ZFPM1: variants seen among roughly 807,000 people sequenced by gnomAD.
ZFPM1 encodes the protein zinc finger protein ZFPM1.
In ZFPM1, 28 loss-of-function variants were observed where a neutral mutation model predicts 46.3. That is an observed-to-expected ratio of 0.60 (90% CI 0.45 to 0.83). ZFPM1 has a LOEUF of 0.83. Among genes scored for constraint, ZFPM1 ranks in the 40% least tolerant of loss-of-function variants. The pLI, the probability that ZFPM1 is intolerant of heterozygous loss-of-function variation, is 0.00. For synonymous variants in ZFPM1, 957 were observed against 675.9 expected (o/e 1.42, Z -6.45); for missense variants, 1,878 against 1,432.4 (o/e 1.31, Z -5.02).
At position 88,517,724 on chromosome 16, in the gene ZFPM1, A is replaced by G. The variant is rs1207465364; in HGVS notation, c.402+3204A>G. On this transcript the variant is annotated intron_variant, in intron 4 of 9. Transcript: ENST00000319555. Reference sequence around the variant, plus strand: ...TGGATGGATGAGTGGGTGGGTGGATAGATGGATGGATGAATGAATGGGTGG... The same window carrying G: ...TGGATGGATGAGTGGGTGGGTGGATGGATGGATGGATGAATGAATGGGTGG... Among the ~76,000 whole-genome samples, 6 of 116,736 alleles carry G rather than the reference A, an allele frequency of 5.1e-5. No homozygotes were observed. The South Asian group carries it at 1.9e-3, about 37-fold the overall frequency. The allele number at this position is 116,736 out of a possible 152,430, so 76.6% of individuals were successfully genotyped here.
intron 3 of ZFPM1, among the ~76,000 whole-genome samples, chr16:88,491,070 C>A (rs1158812007): frequency 6.6e-6 from 1 of 151,736 alleles, no homozygotes; most frequent in East Asian, 1.9e-4. Flanking sequence ...GGCGCTGGTG[C>A]CTTCGCGGGT....
At chr16:88,457,170 G>A (rs924231561) in intron 1 of ZFPM1, among the ~76,000 whole-genome samples, 1 of 152,248 alleles carries the variant, frequency 6.6e-6, no homozygotes, top group Non-Finnish European at 1.5e-5. Context: ...AGAGGGCTGG[G>A]TTGGGCCCAG....
At chr16:88,533,014 C>G in intron 9 of ZFPM1, 79 bp downstream of exon 9, 2 of 1,576,036 alleles carry the variant, frequency 1.3e-6, no homozygotes, top group Non-Finnish European at 1.7e-6. Context: ...TCGCCCAAGA[C>G]AGGTGGGGGT....
chr16:88,507,613 G>C (rs1387260581), intron 3 of ZFPM1, among the ~76,000 whole-genome samples: 1 of 152,204 alleles, frequency 6.6e-6, no homozygotes, highest in African/African-American at 2.4e-5. Context: ...GTTGGGTCTT[G>C]TGGATTCTAC....
At chr16:88,511,830 A>T (rs1029939453) in intron 3 of ZFPM1, among the ~76,000 whole-genome samples, 1 of 152,192 alleles carries the variant, frequency 6.6e-6, no homozygotes, top group Non-Finnish European at 1.5e-5. Context: ...AGGCACCTGC[A>T]TCCACCCCCA....
At chr16:88,502,647 C>T (rs778629076) in intron 3 of ZFPM1, among the ~76,000 whole-genome samples, 32 of 152,232 alleles carry the variant, frequency 2.1e-4, no homozygotes, top group Non-Finnish European at 4.3e-4. Context: ...CCTCGCAGGT[C>T]GGAGCCACCC....
intron 4 of ZFPM1, 23 bp from the exon 5 acceptor site, chr16:88,526,791 G>A (rs544758115): frequency 1.9e-5 from 28 of 1,487,410 alleles, no homozygotes; most frequent in East Asian, 5.1e-5. Context: ...CCCTCCCCAC[G>A]TGTTCCTACC....
At chr16:88,472,950 G>T (rs1032983059) in intron 1 of ZFPM1, among the ~76,000 whole-genome samples, 3 of 152,254 alleles carry the variant, frequency 2.0e-5, no homozygotes, top group Admixed American at 6.5e-5. Context: ...CAGAGCTCTA[G>T]CGCCCCACAA....
chr16:88,462,438 G>T (rs937061751), intron 1 of ZFPM1, among the ~76,000 whole-genome samples: 2 of 152,246 alleles, frequency 1.3e-5, no homozygotes, highest in South Asian at 2.1e-4. Flanking sequence ...GAAAATCGGG[G>T]GTCAGAGAGG....
chr16:88,524,333 C>T (rs1912145834), intron 4 of ZFPM1, among the ~76,000 whole-genome samples: 1 of 152,198 alleles, frequency 6.6e-6, no homozygotes. Flanking sequence ...CTGCCCATTG[C>T]CCCTGGGGTT....
At chr16:88,501,691 GGGCCTCTCCCGC>G (rs1910345478) in intron 3 of ZFPM1, among the ~76,000 whole-genome samples, 1 of 130,318 alleles carries the variant, frequency 7.7e-6, no homozygotes, top group Admixed American at 7.6e-5. Context: ...TGTGGGTGCA[GGGCCTCTCCCGC>G]AGGTGCTCTT....
intron 3 of ZFPM1, among the ~76,000 whole-genome samples, chr16:88,510,773 C>T (rs993448065): frequency 3.3e-5 from 5 of 152,236 alleles, no homozygotes; most frequent in African/African-American, 1.2e-4. Context: ...AGCCCTGGGG[C>T]TCTGGTTCAA....
Position 88,532,199 on chromosome 16 carries a change from G to A in ZFPM1, c.910G>A (p.Ala304Thr). Reference protein sequence around the residue: ...FPQCRKSCPSASSLEIHMRSH... With the variant: ...FPQCRKSCPSTSSLEIHMRSH... ...CCAGTGCCGCAAGAGCTGCCCCAGC[G>A]CCAGCTCCCTGGAGATCCACATGCG... The change falls in exon 7 of 10, where the codon GCC becomes ACC. Residue 304 changes from alanine (A) to threonine (T), a missense_variant. Physicochemically the swap from Ala to Thr is moderately conservative, Grantham distance 58. Transcript: ENST00000319555. 1 of 1,609,500 alleles carries A rather than the reference G, an allele frequency of 6.2e-7. No homozygotes were observed. The highest frequency in any genetic ancestry group is 8.5e-7 in the Non-Finnish European group (1 of 1,177,568).
rs946341878 is a variant in ZFPM1 at position 88,471,214 on chromosome 16, G to A, written c.41-14725G>A. 3.3e-5 allele frequency among the ~76,000 whole-genome samples: 5 copies of A among 152,358 alleles called. No homozygotes were observed. In the East Asian group the frequency reaches 9.6e-4, roughly 29 times the overall value. On this transcript the variant is annotated intron_variant, in intron 1 of 9. Coordinates refer to ENST00000319555, the MANE Select transcript of ZFPM1 (RefSeq NM_153813.3). The surrounding 1 kb of genome is among the most constrained non-coding windows in gnomAD (Gnocchi z 4.1). ...CGATGGGCACTGAGAATTCAGACAA[G>A]AGCCGGACTCCCTGAGCTCCCAACC... is the stretch of plus-strand genomic sequence containing the variant.
intron 3 of ZFPM1, among the ~76,000 whole-genome samples, chr16:88,501,309 A>G (rs866964665): frequency 3.9e-5 from 4 of 102,630 alleles, no homozygotes; most frequent in East Asian, 3.6e-4. Flanking sequence ...GGTGCTGGTG[A>G]TGATGGAGAT....
At chr16:88,518,418 TGATGGGTG>T (rs56317440) in intron 4 of ZFPM1, among the ~76,000 whole-genome samples, 26,087 of 149,680 alleles carry the variant, frequency 0.17, 2,408 homozygotes, top group East Asian at 0.28. Context: ...GATGGATGGA[TGATGGGTG>T]GATGGGTGGA....
At position 88,461,158 on chromosome 16, in the gene ZFPM1, G is replaced by A. The variant is rs1300362369; in HGVS notation, c.40+7480G>A. ...GGAGACCTGGTGAGGACCGAGGGGC[G>A]GGAGACCTGGTGAGGACCGAGGGGC... On this transcript the variant is annotated intron_variant, in intron 1 of 9. Coordinates refer to ENST00000319555, the MANE Select transcript of ZFPM1 (RefSeq NM_153813.3). Among the ~76,000 whole-genome samples, 104 of 126,328 alleles carry A rather than the reference G, an allele frequency of 8.2e-4. 2 individuals are homozygous for A. The highest frequency in any genetic ancestry group is 3.2e-3 in the African/African-American group (81 of 25,338). 82.9% of individuals were successfully genotyped at this position (126,328 alleles called of 152,430 possible).
At chr16:88,516,165 T>TCAAA (rs1911282899) in intron 4 of ZFPM1, 1 of 398,356 alleles carries the variant, frequency 2.5e-6, no homozygotes, top group African/African-American at 2.1e-5. Context: ...ATACCCAGGA[T>TCAAA]CAAACAGCAG....
At chr16:88,515,281 C>T (rs1472908688) in intron 4 of ZFPM1, among the ~76,000 whole-genome samples, 1 of 152,194 alleles carries the variant, frequency 6.6e-6, no homozygotes, top group African/African-American at 2.4e-5. Context: ...CGGGCAGACG[C>T]ATGTCCCAGG....
Sources: gnomAD v4.1 joint callset for allele counts (sites outside exome capture counted in the v4.1 genomes callset) on GRCh38, gnomAD v4.1.1 for gene constraint, Gnocchi (gnomAD v3.1) non-coding constraint, MANE v1.5 for transcripts, NCBI Gene and HGNC (gene_info 2026-07-23, HGNC 2026-07-21) for gene names.